The following FGGY variants were observed in gnomAD, a reference collection of about 807,000 sequenced individuals.
The protein encoded by FGGY is FGGY carbohydrate kinase domain containing.
A neutral mutation model predicts 71.3 loss-of-function variants in FGGY; 72 were observed. The ratio of observed to expected loss-of-function variants is 1.01; its 90% CI spans 0.84 to 1.23. The LOEUF (loss-of-function observed/expected upper bound fraction) is 1.23. Ranked by LOEUF, FGGY falls within the 50% of genes most tolerant of loss-of-function variation. The pLI is 0.00. For synonymous variants in FGGY, 251 were observed against 250.3 expected (o/e 1.00, Z -0.02); for missense variants, 668 against 682.3 (o/e 0.98, Z 0.23).
chr1:59,641,793 T>A (rs1358154272), intron 11 of FGGY, among the ~76,000 whole-genome samples: 1 of 152,156 alleles, frequency 6.6e-6, no homozygotes, highest in Non-Finnish European at 1.5e-5. Flanking sequence ...TTTGATAACA[T>A]CATATATGAC....
chr1:59,476,424 T>G (rs1260847439), intron 6 of FGGY, among the ~76,000 whole-genome samples: 2 of 152,216 alleles, frequency 1.3e-5, no homozygotes, highest in East Asian at 3.8e-4. Context: ...CAGTAAGTAA[T>G]GGAATCAGAG....
chr1:59,716,459 C>G (rs985243588), intron 14 of FGGY, among the ~76,000 whole-genome samples: 1 of 152,146 alleles, frequency 6.6e-6, no homozygotes, highest in Non-Finnish European at 1.5e-5. Flanking sequence ...GAAACTACAT[C>G]TTGATCTCTG....
At chr1:59,325,959 C>T (rs1007579349) in intron 2 of FGGY, among the ~76,000 whole-genome samples, 3 of 152,192 alleles carry the variant, frequency 2.0e-5, no homozygotes, top group African/African-American at 7.2e-5. Flanking sequence ...TGGAAACTCA[C>T]AAGTCATAGA....
intron 2 of FGGY, among the ~76,000 whole-genome samples, chr1:59,327,749 G>A (rs1206193212): frequency 6.6e-6 from 1 of 152,144 alleles, no homozygotes; most frequent in African/African-American, 2.4e-5. Flanking sequence ...CTTGAAAGCT[G>A]AAATTTCTCT....
rs541199307 is a variant in FGGY at position 59,575,899 on chromosome 1, A to G, written c.903+21672A>G. On this transcript the variant is annotated intron_variant, in intron 8 of 15. Coordinates refer to ENST00000303721, the MANE Select transcript of FGGY (RefSeq NM_018291.5). ...TCTGTAAGGAAGTGATATCTGTGATATTTTGGTTAGGAAAAAAGTGGTCCA... is the reference window on the plus strand; with the variant it reads ...TCTGTAAGGAAGTGATATCTGTGATGTTTTGGTTAGGAAAAAAGTGGTCCA... Among the ~76,000 whole-genome samples the G allele has an allele frequency of 2.0e-5, 3 of 152,296 alleles. No individual in the cohort carries two copies. In the South Asian group the frequency reaches 6.2e-4, roughly 32 times the overall value.
At chr1:59,677,344 C>T (rs2097445994) in intron 14 of FGGY, among the ~76,000 whole-genome samples, 1 of 152,218 alleles carries the variant, frequency 6.6e-6, no homozygotes, top group South Asian at 2.1e-4. Context: ...CCTGCCAGCA[C>T]CTCAACTATT....
At chr1:59,350,388 C>T (rs2053034162) in intron 4 of FGGY, among the ~76,000 whole-genome samples, 1 of 152,106 alleles carries the variant, frequency 6.6e-6, no homozygotes, top group East Asian at 1.9e-4. Flanking sequence ...TAGCAATATA[C>T]AAAGTGCTTT....
In FGGY at chr1:59,435,559, C is replaced by T. The variant is rs538948966; in HGVS notation, c.555-21402C>T. 2.6e-5 allele frequency among the ~76,000 whole-genome samples: 4 copies of T among 152,218 alleles called. No homozygotes were observed. In the South Asian group the frequency reaches 8.3e-4, roughly 32 times the overall value. The stretch of plus-strand genomic sequence containing the variant: ...TTGCCCAGACAGACAAGCACTTTGC[C>T]CCTTTGCAGCCACTCTCCCCTTTGC... On this transcript the variant is annotated intron_variant, in intron 5 of 15. Transcript: ENST00000303721.
rs149702935 is a variant in FGGY at position 59,607,891 on chromosome 1, A to G, written c.992A>G (p.Gln331Arg). 30 of 1,613,914 alleles carry G rather than the reference A, an allele frequency of 1.9e-5. No homozygotes were observed. The African/African-American group carries it at 3.3e-4, about 18-fold the overall frequency. Reference sequence around the variant, plus strand: ...GGGTTCTGGCTGAATGAAGGTGGTCAGAGCGTTACTGGAAAATTGGTAAGT... The same window carrying G: ...GGGTTCTGGCTGAATGAAGGTGGTCGGAGCGTTACTGGAAAATTGGTAAGT... ...VPGFWLNEGG[Q>R]SVTGKLIDHM... The change falls in exon 9 of 16, where the codon CAG (glutamine) becomes CGG (arginine). Residue 331 changes from glutamine to arginine, a missense_variant. Physicochemically the swap from Gln to Arg is conservative, Grantham distance 43. Transcript: ENST00000303721.
At chr1:59,550,930 C>G (rs1027967679) in intron 7 of FGGY, among the ~76,000 whole-genome samples, 2 of 152,188 alleles carry the variant, frequency 1.3e-5, no homozygotes, top group Non-Finnish European at 2.9e-5. Context: ...ACTTCTGCAT[C>G]TATTAAGAGG....
At chr1:59,388,786 C>T (rs553294443) in intron 5 of FGGY, among the ~76,000 whole-genome samples, 18 of 152,062 alleles carry the variant, frequency 1.2e-4, no homozygotes, top group Non-Finnish European at 2.4e-4. Flanking sequence ...ATACATATAG[C>T]ATAAAATTTG....
At chr1:59,626,753 G>A (rs1279576816) in intron 10 of FGGY, 1 of 152,166 alleles carries the variant, frequency 6.6e-6, no homozygotes, top group Non-Finnish European at 1.5e-5. Context: ...TACTTGGGAG[G>A]TTGAGGCAGG....
chr1:59,587,442 G>C lies in FGGY; in HGVS notation c.904-20361G>C, dbSNP rs565676318. On this transcript the variant is annotated intron_variant, in intron 8 of 15. Transcript: ENST00000303721. ...CTGTCTGACAGCTTTGAAGAGAGCA[G>C]TGGTTCTCCCAGCACGCAACTGGAG... Among the ~76,000 whole-genome samples the C allele has an allele frequency of 3.3e-5, 5 of 152,224 alleles. No individual in the cohort carries two copies. The East Asian group carries it at 5.8e-4, about 18-fold the overall frequency.
intron 9 of FGGY, among the ~76,000 whole-genome samples, chr1:59,608,705 C>T (rs149229507): frequency 5.8e-4 from 88 of 152,130 alleles, no homozygotes; most frequent in African/African-American, 2.0e-3. Flanking sequence ...CGATGGCAGG[C>T]GCCTGTAATC....
intron 8 of FGGY, among the ~76,000 whole-genome samples, chr1:59,601,226 C>A (rs1267447886): frequency 1.3e-5 from 2 of 152,138 alleles, no homozygotes; most frequent in African/African-American, 4.8e-5. Context: ...TGCCTTTTGC[C>A]CCTGCCAGAG....
At chr1:59,460,742 T>C (rs534839881) in intron 6 of FGGY, among the ~76,000 whole-genome samples, 1 of 152,338 alleles carries the variant, frequency 6.6e-6, no homozygotes, top group East Asian at 1.9e-4. Flanking sequence ...TGTTCTGCAG[T>C]ATTTGTTGTT....
intron 5 of FGGY, among the ~76,000 whole-genome samples, chr1:59,442,536 A>G (rs186523076): frequency 6.6e-6 from 1 of 152,190 alleles, no homozygotes; most frequent in East Asian, 1.9e-4. Flanking sequence ...TCAGGTCTGT[A>G]CTTCTACTTC....
intron 8 of FGGY, among the ~76,000 whole-genome samples, chr1:59,558,349 G>T (rs140918103): frequency 7.9e-5 from 12 of 152,108 alleles, no homozygotes; most frequent in Non-Finnish European, 2.9e-5. Flanking sequence ...TCTATTTTCC[G>T]TAAGTGTCAG....
chr1:59,653,021 G>A (rs1475313955), intron 11 of FGGY, among the ~76,000 whole-genome samples: 2 of 152,180 alleles, frequency 1.3e-5, no homozygotes. Flanking sequence ...CGTGTGAGGT[G>A]TCAGTGTGCT....
Sources: gnomAD v4.1 joint callset for allele counts (sites outside exome capture counted in the v4.1 genomes callset) on GRCh38, gnomAD v4.1.1 for gene constraint, MANE v1.5 for transcripts, NCBI Gene and HGNC (gene_info 2026-07-23, HGNC 2026-07-21) for gene names.